The following CSMD2 variants were observed in gnomAD, a reference collection of about 807,000 sequenced individuals.
The protein encoded by CSMD2 is CUB and Sushi multiple domains 2, also known as CUB and sushi domain-containing protein 2.
A neutral mutation model predicts 398.5 loss-of-function variants in CSMD2; 130 were observed. That is an observed-to-expected ratio of 0.33 (90% confidence interval 0.28 to 0.38). The LOEUF (loss-of-function observed/expected upper bound fraction) is 0.38, where lower values mean the gene tolerates loss of function less well. Ranked by LOEUF, CSMD2 falls within the 10% of genes least tolerant of loss-of-function variation. The pLI is 1.00. For synonymous variants in CSMD2, 1,828 were observed against 1,908.5 expected (o/e 0.96, Z 1.10); for missense variants, 3,829 against 4,764.9 (o/e 0.80, Z 5.78).
chr1:33,774,267 A>G (rs941545738), intron 12 of CSMD2, among the ~76,000 whole-genome samples: 4 of 152,026 alleles, frequency 2.6e-5, no homozygotes, highest in Admixed American at 6.6e-5. Flanking sequence ...CTCTCACCTC[A>G]CATGTCCCCC....
In CSMD2 at chr1:33,611,125, G is replaced by C. The variant is rs1436405746; in HGVS notation, c.6259C>G (p.Leu2087Val). Residue 2087 changes from leucine to valine, a missense_variant, in exon 41 of 71, where the codon CTC becomes GTC. Physicochemically the swap from Leu to Val is conservative, Grantham distance 32 (BLOSUM62 1). This residue lies in a region of CSMD2 where 2,001 missense variants were observed against 2,567.1 expected (regional missense o/e 0.78). Transcript: ENST00000373381. Reference protein sequence around the residue: ...RFSGSELPSSLLSTSHETTVY... With the variant: ...RFSGSELPSSVLSTSHETTVY... ...GTGGTCTCGTGGGACGTGGAGAGGA[G>C]GGAGCTTGGAAGCTCGCTTCCACTG... is the stretch of plus-strand genomic sequence containing the variant. 2 of 1,613,984 alleles carry C rather than the reference G, an allele frequency of 1.2e-6. No homozygotes were observed. The highest frequency in any genetic ancestry group is 1.7e-6 in the Non-Finnish European group (2 of 1,180,024).
At chr1:33,544,483 T>G (rs1656684916) in intron 57 of CSMD2, among the ~76,000 whole-genome samples, 2 of 152,152 alleles carry the variant, frequency 1.3e-5, no homozygotes, top group Non-Finnish European at 2.9e-5. Context: ...AGAGTCTAGT[T>G]TCTTTTAATG....
At chr1:33,619,583 A>G (rs952921075) in intron 37 of CSMD2, among the ~76,000 whole-genome samples, 1 of 152,208 alleles carries the variant, frequency 6.6e-6, no homozygotes, top group African/African-American at 2.4e-5. Context: ...TCAAGTAAAC[A>G]TCATAATCTT....
intron 25 of CSMD2, among the ~76,000 whole-genome samples, chr1:33,692,351 A>C (rs1645268343): frequency 6.6e-6 from 1 of 152,174 alleles, no homozygotes; most frequent in Non-Finnish European, 1.5e-5. Context: ...ACAACTCTAA[A>C]ATACAAGCAT....
chr1:34,132,917 C>T (rs1638290028), intron 1 of CSMD2, among the ~76,000 whole-genome samples: 1 of 151,842 alleles, frequency 6.6e-6, no homozygotes, highest in Non-Finnish European at 1.5e-5. Context: ...ATTGCATGAG[C>T]CAATTCTCAT....
intron 1 of CSMD2, among the ~76,000 whole-genome samples, chr1:34,123,453 T>C (rs1662406025): frequency 6.6e-6 from 1 of 151,744 alleles, no homozygotes; most frequent in South Asian, 2.1e-4. Context: ...ATATCCTTTA[T>C]AACAAACTGG....
chr1:33,659,502 C>T (rs531445894), intron 26 of CSMD2, among the ~76,000 whole-genome samples: 1 of 152,172 alleles, frequency 6.6e-6, no homozygotes, highest in Non-Finnish European at 1.5e-5. Context: ...TCAGTTTTCT[C>T]AACAATTTAA....
At chr1:33,805,784 C>A (rs1466631688) in intron 10 of CSMD2, among the ~76,000 whole-genome samples, 1 of 151,924 alleles carries the variant, frequency 6.6e-6, no homozygotes, top group Admixed American at 6.6e-5. Context: ...CATTTACGAG[C>A]CAGGATGAGA....
Position 33,714,793 on chromosome 1 carries a change from G to C in CSMD2, c.3218-18C>G, listed in dbSNP as rs1646111474. The C allele has an allele frequency of 6.2e-7, 1 of 1,612,324 alleles. No individual in the cohort carries two copies. Among genetic ancestry groups the C allele is most frequent in the African/African-American group, 1.3e-5 (1 of 74,872 alleles). Reference sequence around the variant, plus strand: ...GTCGTACTCTGGAAAGGTAGCAGGAGATCCGGGCTCAGAGACATTGCGGGG... The same window carrying C: ...GTCGTACTCTGGAAAGGTAGCAGGACATCCGGGCTCAGAGACATTGCGGGG... On this transcript the variant is annotated intron_variant, in intron 20 of 70. Transcript: ENST00000373381.
intron 2 of CSMD2, among the ~76,000 whole-genome samples, chr1:34,047,507 A>C (rs2148210578): frequency 6.6e-6 from 1 of 152,106 alleles, no homozygotes; most frequent in South Asian, 2.1e-4. Context: ...TATATATTTG[A>C]TCACTCCTTA....
intron 1 of CSMD2, among the ~76,000 whole-genome samples, chr1:34,151,819 C>CT (rs1450985747): frequency 6.8e-6 from 1 of 147,920 alleles, no homozygotes; most frequent in African/African-American, 2.5e-5. Flanking sequence ...CTCCCTCCCC[C>CT]CCCTTCTCTC....
chr1:33,556,481 T>C (rs1657986345), intron 55 of CSMD2, among the ~76,000 whole-genome samples: 1 of 152,188 alleles, frequency 6.6e-6, no homozygotes, highest in Admixed American at 6.5e-5. Flanking sequence ...TAACTGCATA[T>C]CTATTACTCC....
chr1:33,775,798 C>T (rs1424982597), intron 12 of CSMD2, among the ~76,000 whole-genome samples: 1 of 152,074 alleles, frequency 6.6e-6, no homozygotes, highest in Non-Finnish European at 1.5e-5. Context: ...GATGAAATTA[C>T]CCAAGGAGAG....
intron 1 of CSMD2, 92 bp from the exon 2 acceptor site, chr1:34,089,285 C>T (rs1658280036): frequency 2.4e-6 from 3 of 1,249,942 alleles, no homozygotes; most frequent in Admixed American, 2.0e-5. Flanking sequence ...AAATCATGAA[C>T]CCACTTTTCC....
intron 27 of CSMD2, among the ~76,000 whole-genome samples, chr1:33,653,394 C>T (rs59241816): frequency 3.2e-3 from 494 of 152,368 alleles, no homozygotes; most frequent in African/African-American, 0.011. Flanking sequence ...GGCTCACATT[C>T]GCCTGCCAAG....
intron 14 of CSMD2, among the ~76,000 whole-genome samples, chr1:33,740,205 CT>C (rs1647012175): frequency 6.6e-6 from 1 of 152,160 alleles, no homozygotes; most frequent in South Asian, 2.1e-4. Flanking sequence ...GGAAGATACT[CT>C]TTCCTGCTCA....
chr1:33,860,037 AT>A (rs1639374744), intron 5 of CSMD2, among the ~76,000 whole-genome samples: 1 of 152,218 alleles, frequency 6.6e-6, no homozygotes, highest in South Asian at 2.1e-4. Flanking sequence ...CGATTCCCTA[AT>A]GTTGGCATCT....
chr1:33,960,074 C>T (rs1645301966), intron 3 of CSMD2, among the ~76,000 whole-genome samples: 1 of 152,180 alleles, frequency 6.6e-6, no homozygotes, highest in Admixed American at 6.5e-5. Flanking sequence ...CACAATGGTC[C>T]ACAGTGAGGA....
intron 62 of CSMD2, among the ~76,000 whole-genome samples, chr1:33,534,556 C>A (rs763643782): frequency 6.6e-6 from 1 of 152,182 alleles, no homozygotes; most frequent in African/African-American, 2.4e-5. Context: ...CAACCACGGG[C>A]TCCATCTCTC....
Sources: allele counts gnomAD v4.1 joint callset (sites outside exome capture counted in the v4.1 genomes callset), GRCh38; gene constraint gnomAD v4.1.1; regional missense constraint gnomAD v4.1.1; transcripts MANE v1.5; gene names NCBI Gene and HGNC (gene_info 2026-07-23, HGNC 2026-07-21).